The following ZNF138 variants were observed in gnomAD, a reference collection of about 807,000 sequenced individuals.
ZNF138 encodes zinc finger protein 138 (clone pHZ-32).
Under a neutral mutation model 33.0 loss-of-function variants are expected in ZNF138, and 33 were observed. The observed-to-expected ratio is 1.00, with a 90% CI of 0.76 to 1.34. The LOEUF (loss-of-function observed/expected upper bound fraction) is 1.34. Ranked by LOEUF, ZNF138 falls within the 40% of genes most tolerant of loss-of-function variation. The probability of loss-of-function intolerance (pLI) is 0.00; values close to 1 mark genes in which losing one functional copy is unlikely to be tolerated. For missense variants in ZNF138, 360 were observed against 370.8 expected, an observed-to-expected ratio of 0.97 and a Z score of 0.24; for synonymous variants, 139 against 120.4, an observed-to-expected ratio of 1.15 and a Z score of -1.01.
chr7:64,807,950 T>C (rs1787746174), intron 1 of ZNF138, among the ~76,000 whole-genome samples: 1 of 152,204 alleles, frequency 6.6e-6, no homozygotes, highest in African/African-American at 2.4e-5. Context: ...TTCTTGTCTT[T>C]CATTTTACGC....
chr7:64,849,761 C>T, the ZNF138 span, among the ~76,000 whole-genome samples: 2 of 152,100 alleles, frequency 1.3e-5, no homozygotes, highest in Admixed American at 1.3e-4. Context: ...TCACCCATCT[C>T]TCATGCAACC....
downstream of ZNF138, chr7:64,833,728 TTTTG>T (rs199857165): frequency 0.092 from 9,205 of 99,544 alleles, 318 homozygotes; most frequent in East Asian, 0.21. Context: ...GTTTGTTTTG[TTTTG>T]TTTTTTTTAA....
At chr7:64,838,985 T>C in the ZNF138 span, among the ~76,000 whole-genome samples, 5 of 152,072 alleles carry the variant, frequency 3.3e-5, no homozygotes, top group African/African-American at 9.7e-5. Context: ...ACAAGATTAA[T>C]GGCAAGAGAG....
chr7:64,840,907 G>C, the ZNF138 span, among the ~76,000 whole-genome samples: 1 of 152,024 alleles, frequency 6.6e-6, no homozygotes, highest in Non-Finnish European at 1.5e-5. Flanking sequence ...CAGAAGAATA[G>C]AGCAATATTG....
At chr7:64,847,928 TG>T in the ZNF138 span, among the ~76,000 whole-genome samples, 1 of 152,184 alleles carries the variant, frequency 6.6e-6, no homozygotes, top group Admixed American at 6.5e-5. Flanking sequence ...TTTTTTAAAT[TG>T]TATTTTTGTT....
Position 64,794,497 on chromosome 7 carries a change from C to T in ZNF138, c.-72C>T, listed in dbSNP as rs1485102480. The T allele has an allele frequency of 8.1e-6, 13 of 1,606,852 alleles. No homozygotes were observed. The East Asian group carries it at 2.0e-4, about 25-fold the overall frequency. ...CGTCCTCTTACTCCTAGAGGCCCAG[C>T]CTCTGTGGCGCTGTGATCTGGTTAT... is the stretch of plus-strand genomic sequence containing the variant. On this transcript the variant is annotated 5_prime_UTR_variant, in exon 1 of 4. Coordinates refer to ENST00000307355, the MANE Select transcript of ZNF138 (RefSeq NM_001271639.2).
At chr7:64,803,261 T>TTTTTG (rs1346555443) in intron 1 of ZNF138, among the ~76,000 whole-genome samples, 6 of 150,868 alleles carry the variant, frequency 4.0e-5, no homozygotes, top group Admixed American at 6.6e-5. Context: ...GGCAAAGGTT[T>TTTTTG]TTTTTTTTTT....
the ZNF138 span, among the ~76,000 whole-genome samples, chr7:64,850,438 T>C: frequency 5.3e-5 from 8 of 152,360 alleles, no homozygotes; most frequent in South Asian, 1.4e-3. Flanking sequence ...GAGTGGGAGC[T>C]GCAATCTAGC....
chr7:64,828,199 G>A (rs113709962), intron 3 of ZNF138, among the ~76,000 whole-genome samples: 1 of 150,322 alleles, frequency 6.7e-6, no homozygotes, highest in African/African-American at 2.4e-5. Flanking sequence ...TTTAGGTATT[G>A]TTTATTTTTA....
rs1304644108 is a variant in ZNF138, at chr7:64,825,269, T to A, written c.209-6182T>A. ...CTCACTGCAAGCTCTGCCTCCCGGG[T>A]TCACGCCATTCTTCTGCCTCAGCCT... On this transcript the variant is annotated intron_variant, in intron 3 of 3. Coordinates refer to ENST00000307355, the MANE Select transcript of ZNF138 (RefSeq NM_001271639.2). Among the ~76,000 whole-genome samples the A allele has an allele frequency of 6.0e-5, 8 of 133,560 alleles. No individual in the cohort carries two copies. The South Asian group carries it at 1.8e-3, about 30-fold the overall frequency. 87.6% of individuals were successfully genotyped at this position (133,560 alleles called of 152,430 possible). A position where few individuals can be genotyped will look rare whatever the true frequency, so the allele number is the denominator to read the frequency against.
chr7:64,838,656 C>G (rs544108047), downstream of ZNF138, among the ~76,000 whole-genome samples: 38 of 152,230 alleles, frequency 2.5e-4, no homozygotes, highest in African/African-American at 7.7e-4. Context: ...GGGGGCCCTC[C>G]GCTGCCTCAT....
At chr7:64,817,843 C>A (rs901011114) in intron 3 of ZNF138, among the ~76,000 whole-genome samples, 1 of 151,806 alleles carries the variant, frequency 6.6e-6, no homozygotes, top group Non-Finnish European at 1.5e-5. Context: ...ATAAGTTATG[C>A]TGGAAGTAAA....
At chr7:64,807,574 G>A (rs1200917939) in intron 1 of ZNF138, among the ~76,000 whole-genome samples, 1 of 151,592 alleles carries the variant, frequency 6.6e-6, no homozygotes, top group Admixed American at 6.6e-5. Context: ...AGTCAAGAAT[G>A]CAGAGCCAGG....
chr7:64,851,294 T>C, the ZNF138 span, among the ~76,000 whole-genome samples: 1 of 152,210 alleles, frequency 6.6e-6, no homozygotes, highest in Non-Finnish European at 1.5e-5. Flanking sequence ...CTTTGTACTT[T>C]TTTGAGTTAA....
chr7:64,852,276 A>G, the ZNF138 span: 2 of 704,240 alleles, frequency 2.8e-6, no homozygotes, highest in African/African-American at 1.8e-5. Context: ...AAACTGACCT[A>G]AGGTCACCTG....
At chr7:64,833,841 G>A (rs935259516), downstream of ZNF138, among the ~76,000 whole-genome samples, 6 of 152,030 alleles carry the variant, frequency 3.9e-5, no homozygotes, top group Non-Finnish European at 8.8e-5. Context: ...TCTCCTGCCT[G>A]GGCCTCCAGA....
the ZNF138 span, chr7:64,852,535 A>T: frequency 8.3e-6 from 13 of 1,573,240 alleles, no homozygotes; most frequent in Non-Finnish European, 1.0e-5. Context: ...GGTGGTCTTC[A>T]CCATATTTGG....
intron 3 of ZNF138, among the ~76,000 whole-genome samples, chr7:64,822,692 T>C (rs1789265318): frequency 6.6e-6 from 1 of 152,176 alleles, no homozygotes; most frequent in Non-Finnish European, 1.5e-5. Flanking sequence ...GTAGCTTTTA[T>C]TATGTTTTGA....
At chr7:64,822,240 A>G (rs1327160195) in intron 3 of ZNF138, among the ~76,000 whole-genome samples, 2 of 151,220 alleles carry the variant, frequency 1.3e-5, no homozygotes, top group Non-Finnish European at 2.9e-5. Context: ...ATTTTCACCC[A>G]TTTTCTAGGA....
Sources: gnomAD v4.1 joint callset for allele counts (sites outside exome capture counted in the v4.1 genomes callset) on GRCh38, gnomAD v4.1.1 for gene constraint, MANE v1.5 for transcripts, NCBI Gene and HGNC (gene_info 2026-07-23, HGNC 2026-07-21) for gene names.